Variants in SNRNP35 observed in about 807,000 individuals in gnomAD.
SNRNP35 encodes the protein small nuclear ribonucleoprotein U11/U12 subunit 35, also known as U11/U12 small nuclear ribonucleoprotein 35 kDa protein.
SNRNP35 carries 16 observed loss-of-function variants against 24.3 expected under a neutral mutation model. The observed-to-expected ratio is 0.66, with a 90% CI of 0.45 to 1.00. SNRNP35 has a LOEUF of 1.00. Among genes scored for constraint, SNRNP35 ranks in the 50% least tolerant of loss-of-function variants. SNRNP35 has a pLI of 0.00. For synonymous variants in SNRNP35, 106 were observed against 124.8 expected (o/e 0.85, Z 1.00); for missense variants, 292 against 327.2 (o/e 0.89, Z 0.83).
intron 1 of SNRNP35, among the ~76,000 whole-genome samples, chr12:123,462,864 A>G (rs1880712515): frequency 6.6e-6 from 1 of 152,012 alleles, no homozygotes; most frequent in Non-Finnish European, 1.5e-5. Context: ...TTTACTGAGG[A>G]AAGAAAAATT....
At chr12:123,461,488 G>T (rs1344799251) in intron 1 of SNRNP35, among the ~76,000 whole-genome samples, 1 of 151,866 alleles carries the variant, frequency 6.6e-6, no homozygotes, top group African/African-American at 2.4e-5. Context: ...TTGAGTTAGA[G>T]CCAGAGCCCA....
intron 1 of SNRNP35, chr12:123,459,840 C>T (rs1430721856): frequency 2.5e-6 from 4 of 1,584,378 alleles, no homozygotes; most frequent in Non-Finnish European, 3.4e-6. Context: ...GAAATCTCAA[C>T]CTAATGCTGC....
At chr12:123,469,526 T>G (rs530595369), downstream of SNRNP35, among the ~76,000 whole-genome samples, 8 of 151,966 alleles carry the variant, frequency 5.3e-5, no homozygotes, top group East Asian at 1.5e-3. Context: ...AGGCAGGGTC[T>G]CACTCTGTCC....
chr12:123,460,982 T>TAA (rs1192291501), intron 1 of SNRNP35, among the ~76,000 whole-genome samples: 1 of 125,490 alleles, frequency 8.0e-6, no homozygotes, highest in Non-Finnish European at 1.7e-5. Context: ...TTTTTTTTTT[T>TAA]AAAAACAGAG....
chr12:123,465,660 C>T lies in SNRNP35; in HGVS notation c.120C>T (p.Val40=), dbSNP rs1880915490. The T allele has an allele frequency of 2.5e-6, 4 of 1,613,894 alleles. No homozygotes were observed. In the East Asian group the frequency reaches 6.7e-5, roughly 27 times the overall value. The change falls in exon 2 of 2, where the codon GTC becomes GTT. Residue 40 remains valine, a synonymous_variant. Transcript: ENST00000526639. This position sits in a 1 kb window ranked among gnomAD's most constrained non-coding sequence, Gnocchi z 4.2. ...GGAGGGCAATGCTGGCACGATATGT[C>T]CCCAACAAAGGTGTCATAGGAGATC... ...AVWRAMLARY[V]PNKGVIGDPL...
At chr12:123,460,177 A>G (rs543876588) in intron 1 of SNRNP35, among the ~76,000 whole-genome samples, 1 of 152,102 alleles carries the variant, frequency 6.6e-6, no homozygotes, top group South Asian at 2.1e-4. Context: ...CTTTTCCTTC[A>G]GGAGAGGAGG....
exon 2 of SNRNP35, chr12:123,472,533 C>G (rs1014550207): frequency 6.4e-7 from 1 of 1,550,838 alleles, no homozygotes; most frequent in Admixed American, 2.0e-5. Context: ...GGAGATGGGC[C>G]AAGGTCACAG....
intron 1 of SNRNP35, among the ~76,000 whole-genome samples, chr12:123,461,422 G>A (rs1427442389): frequency 1.3e-5 from 2 of 151,564 alleles, no homozygotes; most frequent in African/African-American, 4.9e-5. Context: ...CACCGCGCCC[G>A]GCTGCCTCTT....
At chr12:123,463,843 C>T (rs571835075) in intron 1 of SNRNP35, among the ~76,000 whole-genome samples, 5 of 150,922 alleles carry the variant, frequency 3.3e-5, no homozygotes, top group African/African-American at 9.7e-5. Context: ...CGGCTCACTG[C>T]AACCTCGCCT....
chr12:123,466,155 G>A lies in SNRNP35; in HGVS notation c.615G>A (p.Arg205=), dbSNP rs940115105. ...DSRTRDRDHD[R]GREKRWQERE... is the part of the protein sequence containing the mutation. ...GGACAAGGGATCGAGACCATGACAG[G>A]GGCCGGGAGAAGAGATGGCAAGAAA... Residue 205 remains arginine, a synonymous_variant, in exon 2 of 2, where the codon AGG becomes AGA. Transcript: ENST00000526639. The A allele has an allele frequency of 6.2e-7, 1 of 1,609,296 alleles. No individual in the cohort carries two copies. Among genetic ancestry groups the A allele is most frequent in the Admixed American group, 1.7e-5 (1 of 58,630 alleles).
chr12:123,472,586 G>A lies in SNRNP35; in HGVS notation n.1593G>A, dbSNP rs369661610. ...GTCCTTGCTCTGTGTAACCGTCATC[G>A]CGGTGGGTGTTTGCCCACTGTCCAA... is the stretch of plus-strand genomic sequence containing the variant. On this transcript the variant is annotated non_coding_transcript_exon_variant, in exon 2 of 2. Coordinates refer to the SNRNP35 transcript ENST00000527158. 99 of 1,560,166 alleles carry A rather than the reference G, an allele frequency of 6.3e-5. No individual in the cohort carries two copies. In the East Asian group the frequency reaches 1.6e-3, roughly 24 times the overall value.
downstream of SNRNP35, among the ~76,000 whole-genome samples, chr12:123,468,371 A>AG (rs1172039611): frequency 1.0e-4 from 15 of 147,724 alleles, no homozygotes; most frequent in Admixed American, 2.7e-4. Flanking sequence ...AAAAAAAAAA[A>AG]AAAAGAAAAG....
rs141479057 is a variant in SNRNP35, at chr12:123,465,899, A to T, written c.359A>T (p.His120Leu). Reference protein sequence around the residue: ...RDADGLVIDQHEIFVDYELER... With the variant: ...RDADGLVIDQLEIFVDYELER... ...GCTGATGGCCTGGTTATTGACCAGC[A>T]TGAGATATTTGTGGACTACGAGCTG... Residue 120 changes from histidine to leucine, a missense_variant, in exon 2 of 2, where the codon CAT (histidine) becomes CTT (leucine). Coordinates refer to ENST00000526639, the MANE Select transcript of SNRNP35 (RefSeq NM_022717.4). The surrounding 1 kb of genome is among the most constrained non-coding windows in gnomAD (Gnocchi z 4.2). 2 of 1,614,000 alleles carry T rather than the reference A, an allele frequency of 1.2e-6. No individual in the cohort carries two copies. Among genetic ancestry groups the T allele is most frequent in the East Asian group, 2.2e-5 (1 of 44,878 alleles).
At chr12:123,472,502 G>T in exon 2 of SNRNP35, 1 of 1,548,878 alleles carries the variant, frequency 6.5e-7, no homozygotes, top group South Asian at 1.2e-5. Flanking sequence ...CGCTGGTGGC[G>T]GGCAGTCCAG....
downstream of SNRNP35, among the ~76,000 whole-genome samples, chr12:123,468,366 A>AG (rs1881049496): frequency 6.8e-6 from 1 of 148,034 alleles, no homozygotes; most frequent in Non-Finnish European, 1.5e-5. Context: ...CTCAAAAAAA[A>AG]AAAAAAAAAG....
chr12:123,465,743 A>G lies in SNRNP35; in HGVS notation c.203A>G (p.Lys68Arg). The G allele has an allele frequency of 6.2e-7, 1 of 1,613,956 alleles. No homozygotes were observed. Among genetic ancestry groups the G allele is most frequent in the Non-Finnish European group, 8.5e-7 (1 of 1,179,926 alleles). The change falls in exon 2 of 2, where the codon AAG becomes AGG. Residue 68 changes from lysine (K) to arginine (R), a missense_variant. Transcript: ENST00000526639. This position sits in a 1 kb window ranked among gnomAD's most constrained non-coding sequence, Gnocchi z 4.2. ...LNLQTKEDKL[K>R]EVFSRYGDIR... The stretch of plus-strand genomic sequence containing the variant: ...TTGCAGACCAAGGAGGACAAATTAA[A>G]GGAAGTCTTTTCCCGCTATGGTGAC...
intron 1 of SNRNP35, among the ~76,000 whole-genome samples, chr12:123,460,305 G>C (rs1880536539): frequency 1.3e-5 from 2 of 152,116 alleles, no homozygotes; most frequent in South Asian, 4.1e-4. Context: ...AAGAGCTTTA[G>C]CTCTGGAGTC....
intron 1 of SNRNP35, among the ~76,000 whole-genome samples, 197 bp downstream of exon 1, chr12:123,458,413 C>T (rs1301138467): frequency 1.5e-5 from 2 of 131,330 alleles, no homozygotes; most frequent in African/African-American, 5.0e-5. Context: ...CTGCGGCCCC[C>T]AGAGAAGGAG....
chr12:123,466,015 G>A lies in SNRNP35; in HGVS notation c.475G>A (p.Asp159Asn). The change falls in exon 2 of 2, where the codon GAC (aspartate) becomes AAC (asparagine). Residue 159 changes from aspartate to asparagine, a missense_variant. Physicochemically the swap from Asp to Asn is conservative, Grantham distance 23. Transcript: ENST00000526639. ...TGGGCAACTGAGATTTGGGGGACGG[G>A]ACCGGCCTTTTCGAAAACCTATTAA... ...ESGQLRFGGR[D>N]RPFRKPINLP... 6.2e-7 allele frequency: 1 copy of A among 1,614,140 alleles called. No individual in the cohort carries two copies. Among genetic ancestry groups the A allele is most frequent in the Non-Finnish European group, 8.5e-7 (1 of 1,180,032 alleles).
Sources: allele counts gnomAD v4.1 joint callset (sites outside exome capture counted in the v4.1 genomes callset), GRCh38; gene constraint gnomAD v4.1.1; non-coding constraint Gnocchi (gnomAD v3.1); transcripts MANE v1.5; gene names NCBI Gene and HGNC (gene_info 2026-07-23, HGNC 2026-07-21).